NLK: variants seen among roughly 807,000 people sequenced by gnomAD.
NLK encodes the protein nemo like kinase.
Under a neutral mutation model 59.0 loss-of-function variants are expected in NLK, and 11 were observed. That is an observed-to-expected ratio of 0.19 (90% CI 0.12 to 0.31). NLK has a LOEUF of 0.31. NLK is among the 10% of genes least tolerant of loss of function. The probability of loss-of-function intolerance (pLI) is 1.00; values close to 1 mark genes in which losing one functional copy is unlikely to be tolerated. For synonymous variants in NLK, 235 were observed against 235.9 expected (o/e 1.00, Z 0.03); for missense variants, 410 against 661.1 (o/e 0.62, Z 4.16).
chr17:28,149,015 G>T (rs763629528), intron 3 of NLK, among the ~76,000 whole-genome samples: 1 of 152,178 alleles, frequency 6.6e-6, no homozygotes, highest in Non-Finnish European at 1.5e-5. Flanking sequence ...GGCACATAGT[G>T]AGCACTCAAT....
intron 1 of NLK, among the ~76,000 whole-genome samples, chr17:28,045,132 T>A (rs962090565): frequency 2.6e-5 from 4 of 152,188 alleles, no homozygotes; most frequent in African/African-American, 9.7e-5. Context: ...TTGAAGCCAT[T>A]CTAGAGGTTT....
chr17:28,193,786 C>G (rs1909393077), intron 10 of NLK, among the ~76,000 whole-genome samples: 1 of 152,122 alleles, frequency 6.6e-6, no homozygotes, highest in Non-Finnish European at 1.5e-5. Flanking sequence ...TTCATTTCTT[C>G]CATGTATTTT....
intron 1 of NLK, among the ~76,000 whole-genome samples, chr17:28,066,680 C>T (rs1909832872): frequency 6.6e-6 from 1 of 152,212 alleles, no homozygotes; most frequent in Admixed American, 6.5e-5. Context: ...TTAAAAGAAA[C>T]TACCAAACTG....
At chr17:28,055,208 TC>T (rs1454393904) in intron 1 of NLK, among the ~76,000 whole-genome samples, 1 of 151,442 alleles carries the variant, frequency 6.6e-6, no homozygotes, top group Non-Finnish European at 1.5e-5. Flanking sequence ...TTCTTCTGCC[TC>T]ATCTTCCCGA....
chr17:28,132,755 C>A, intron 3 of NLK, 80 bp downstream of exon 3: 1 of 1,164,450 alleles, frequency 8.6e-7, no homozygotes, highest in Non-Finnish European at 1.2e-6. Context: ...GGGGTTCATG[C>A]CTTCAAGTAT....
intron 1 of NLK, among the ~76,000 whole-genome samples, chr17:28,086,213 C>T (rs1910512067): frequency 6.6e-6 from 1 of 152,016 alleles, no homozygotes; most frequent in South Asian, 2.1e-4. Context: ...CATCTATCTC[C>T]CAGTTACCAA....
At chr17:28,066,114 C>T (rs1391037862) in intron 1 of NLK, among the ~76,000 whole-genome samples, 1 of 152,200 alleles carries the variant, frequency 6.6e-6, no homozygotes, top group Non-Finnish European at 1.5e-5. Context: ...CTTTACTCCA[C>T]TATTATCTTC....
rs35012672 is a variant in NLK at position 28,123,631 on chromosome 17, G to T, written c.588+899G>T. Among the ~76,000 whole-genome samples, 1,393 of 152,292 alleles carry T rather than the reference G, an allele frequency of 9.1e-3. 18 individuals carry two copies. Among genetic ancestry groups the T allele is most frequent in the African/African-American group, 0.032 (1,343 of 41,560 alleles). ...TTTTATCTCAATATTTTAAATCAGA[G>T]ATTAAGTTAGAGATGTGGGAAACAG... On this transcript the variant is annotated intron_variant, in intron 2 of 10. Transcript: ENST00000407008.
the NLK span, among the ~76,000 whole-genome samples, chr17:28,202,831 C>T: frequency 1.3e-5 from 2 of 151,780 alleles, no homozygotes; most frequent in Non-Finnish European, 2.9e-5. Context: ...TACAGGCACT[C>T]ACCACCACGC....
chr17:28,107,233 A>G (rs966564821), intron 1 of NLK, among the ~76,000 whole-genome samples: 3 of 152,130 alleles, frequency 2.0e-5, no homozygotes, highest in African/African-American at 7.2e-5. Context: ...CAGGAGTTCA[A>G]GACCAGCCTG....
intron 8 of NLK, among the ~76,000 whole-genome samples, chr17:28,189,680 AACAGT>A (rs1481376632): frequency 6.6e-6 from 1 of 152,238 alleles, no homozygotes; most frequent in African/African-American, 2.4e-5. Flanking sequence ...TTTGGGTTCA[AACAGT>A]GGAACACTAT....
chr17:28,132,693 T>G lies in NLK; in HGVS notation c.644+18T>G. The G allele has an allele frequency of 6.3e-7, 1 of 1,596,408 alleles. No homozygotes were observed. Among genetic ancestry groups the G allele is most frequent in the Non-Finnish European group, 8.6e-7 (1 of 1,168,096 alleles). ...GAAGAAATGTATCCTAACCAGGGAA[T>G]GTGAAAGAAGGGGACAATTTTTAAA... On this transcript the variant is annotated intron_variant, in intron 3 of 10. Coordinates refer to ENST00000407008, the MANE Select transcript of NLK (RefSeq NM_016231.5).
intron 1 of NLK, chr17:28,062,099 T>C (rs2142747808): frequency 6.6e-6 from 1 of 151,734 alleles, no homozygotes; most frequent in East Asian, 1.9e-4. Flanking sequence ...TGGGGAAAGT[T>C]TCGGAAGTGT....
intron 1 of NLK, chr17:28,061,848 AATATATAATATATACATATACAT>A (rs1567702456): frequency 6.9e-6 from 1 of 145,540 alleles, no homozygotes; most frequent in Non-Finnish European, 1.5e-5. Flanking sequence ...ACATATATAT[AATATATAATATATACATATACAT>A]ATATATAATA....
intron 4 of NLK, among the ~76,000 whole-genome samples, 155 bp downstream of exon 4, chr17:28,161,421 G>A (rs1472471796): frequency 2.0e-5 from 3 of 152,254 alleles, no homozygotes; most frequent in African/African-American, 4.8e-5. Context: ...TATATTTAAT[G>A]TTAAAGAGGA....
chr17:28,177,735 A>G (rs1469564722), intron 7 of NLK, among the ~76,000 whole-genome samples: 2 of 152,214 alleles, frequency 1.3e-5, no homozygotes, highest in Non-Finnish European at 2.9e-5. Context: ...GTTTGGCTAT[A>G]AGTAGTAGAA....
chr17:28,137,742 A>G (rs1906817674), intron 3 of NLK, among the ~76,000 whole-genome samples: 1 of 152,084 alleles, frequency 6.6e-6, no homozygotes. Flanking sequence ...GCATTTTTAG[A>G]TAACTCCTTG....
intron 1 of NLK, among the ~76,000 whole-genome samples, chr17:28,083,621 A>G (rs1165794321): frequency 6.6e-6 from 1 of 152,142 alleles, no homozygotes; most frequent in Admixed American, 6.5e-5. Context: ...TTGAGGGTAC[A>G]TTTTATGATT....
chr17:28,200,771 C>G (rs1351341843), downstream of NLK, among the ~76,000 whole-genome samples: 1 of 152,182 alleles, frequency 6.6e-6, no homozygotes, highest in Non-Finnish European at 1.5e-5. Context: ...GGCAAGCCAC[C>G]ACGCCCGGCC....
Sources: gnomAD v4.1 joint callset for allele counts (sites outside exome capture counted in the v4.1 genomes callset) on GRCh38, gnomAD v4.1.1 for gene constraint, MANE v1.5 for transcripts, NCBI Gene and HGNC (gene_info 2026-07-23, HGNC 2026-07-21) for gene names.